Variants in TRAM2 observed in about 807,000 individuals in gnomAD.
TRAM2 encodes translocating chain-associated membrane protein 2.
A neutral mutation model predicts 51.0 loss-of-function variants in TRAM2; 12 were observed. The observed-to-expected ratio is 0.24, with a 90% CI of 0.15 to 0.38. TRAM2 has a LOEUF of 0.38. TRAM2 is among the 10% of genes least tolerant of loss of function. The pLI, the probability that TRAM2 is intolerant of heterozygous loss-of-function variation, is 1.00. For synonymous variants in TRAM2, 175 were observed against 179.4 expected (o/e 0.98, Z 0.20); for missense variants, 361 against 462.0 (o/e 0.78, Z 2.00).
At chr6:52,521,890 AATAAGTCCAGCACATCTCTGGCCT>A (rs1333044421) in intron 2 of TRAM2, among the ~76,000 whole-genome samples, 2 of 152,216 alleles carry the variant, frequency 1.3e-5, no homozygotes, top group African/African-American at 4.8e-5. Flanking sequence ...TTTTTAGAAG[AATAAGTCCAGCACATCTCTGGCCT>A]ATGAGGCCAG....
intron 1 of TRAM2, among the ~76,000 whole-genome samples, chr6:52,564,033 C>G (rs957962105): frequency 1.4e-4 from 22 of 152,022 alleles, no homozygotes; most frequent in African/African-American, 5.3e-4. Context: ...CCAAAAGAGA[C>G]AGCAGGGATA....
chr6:52,506,878 G>A (rs1407249616), intron 7 of TRAM2, among the ~76,000 whole-genome samples: 2 of 152,160 alleles, frequency 1.3e-5, no homozygotes, highest in African/African-American at 2.4e-5. Context: ...AACGCACCTC[G>A]GGATTTCCAG....
intron 1 of TRAM2, among the ~76,000 whole-genome samples, chr6:52,576,322 A>C (rs1387456708): frequency 6.6e-6 from 1 of 152,176 alleles, no homozygotes; most frequent in Admixed American, 6.5e-5. Context: ...CCAGAAAATC[A>C]CATAGGAAGT....
chr6:52,523,018 G>T, intron 2 of TRAM2: 1 of 664,022 alleles, frequency 1.5e-6, no homozygotes, highest in South Asian at 1.7e-5. Flanking sequence ...CTGCTTCTGA[G>T]AACTCATGTG....
chr6:52,535,688 A>G (rs1276204026), intron 2 of TRAM2, 95 bp downstream of exon 2: 6 of 1,023,702 alleles, frequency 5.9e-6, no homozygotes, highest in East Asian at 8.3e-5. Context: ...TCATGGGGGA[A>G]AAAAAAAAAA....
chr6:52,509,688 G>T, intron 4 of TRAM2, 102 bp from the exon 5 acceptor site: 1 of 950,228 alleles, frequency 1.1e-6, no homozygotes, highest in Non-Finnish European at 1.6e-6. Flanking sequence ...GTCCCCACCT[G>T]ACAGAAAGAG....
chr6:52,568,374 A>C (rs1287215351), intron 1 of TRAM2, among the ~76,000 whole-genome samples: 2 of 152,254 alleles, frequency 1.3e-5, no homozygotes, highest in Non-Finnish European at 2.9e-5. Context: ...TGTTGAGGTC[A>C]CAAGTTGATC....
At chr6:52,516,210 G>T in intron 3 of TRAM2, 88 bp from the exon 4 acceptor site, 1 of 1,232,960 alleles carries the variant, frequency 8.1e-7, no homozygotes. Context: ...CCCACAGAAG[G>T]GTTGAACATC....
In TRAM2 at chr6:52,516,669, T is replaced by C. The variant is rs142881233; in HGVS notation, c.253A>G (p.Thr85Ala). Reference sequence around the variant, plus strand: ...TGAACCACAGCATGCAAGATGATGGTGATGAAGATGTAGAACAAGATTGTG... The same window carrying C: ...TGAACCACAGCATGCAAGATGATGGCGATGAAGATGTAGAACAAGATTGTG... ...LVTILFYIFI[T>A]IILHAVVQEY... Residue 85 changes from threonine (T) to alanine (A), a missense_variant, in exon 3 of 11, where the codon ACC becomes GCC. Transcript: ENST00000182527. The C allele has an allele frequency of 4.6e-5, 74 of 1,614,092 alleles. No homozygotes were observed. In the African/African-American group the frequency reaches 9.5e-4, roughly 21 times the overall value.
intron 1 of TRAM2, among the ~76,000 whole-genome samples, chr6:52,575,744 C>G (rs1222932176): frequency 1.3e-5 from 2 of 152,190 alleles, no homozygotes; most frequent in Non-Finnish European, 2.9e-5. Flanking sequence ...AATAAGCAAG[C>G]TGACGCAGAA....
Position 52,539,774 on chromosome 6 carries a change from C to T in TRAM2, c.121-3928G>A, listed in dbSNP as rs561777145. Reference sequence around the variant, plus strand: ...ACACAGTGACTAAGCAGGAGAGAGTCGGTGCTGTGCTCAGCTATCTGACCC... The same window carrying T: ...ACACAGTGACTAAGCAGGAGAGAGTTGGTGCTGTGCTCAGCTATCTGACCC... On this transcript the variant is annotated intron_variant, in intron 1 of 10. Transcript: ENST00000182527. 3.3e-5 allele frequency among the ~76,000 whole-genome samples: 5 copies of T among 152,220 alleles called. No individual in the cohort carries two copies. The South Asian group carries it at 6.2e-4, about 19-fold the overall frequency.
chr6:52,535,098 C>T (rs567900135), intron 2 of TRAM2, among the ~76,000 whole-genome samples: 1 of 152,330 alleles, frequency 6.6e-6, no homozygotes, highest in East Asian at 1.9e-4. Context: ...TGCTTCCATG[C>T]ACTATCAAAA....
chr6:52,502,030 A>G lies in TRAM2; in HGVS notation c.*1167T>C, dbSNP rs1312582338. 1 of 152,234 alleles carries G rather than the reference A, an allele frequency of 6.6e-6. No homozygotes were observed. Among genetic ancestry groups the G allele is most frequent in the Non-Finnish European group, 1.5e-5 (1 of 68,044 alleles). 9.4% of individuals were successfully genotyped at this position (152,234 alleles called of 1,614,324 possible). A position where few individuals can be genotyped will look rare whatever the true frequency, so the allele number is the denominator to read the frequency against. ...AGTCAGTCATGGTTTCATGCAGTCT[A>G]AAATGCTGTAGTTGTGCTCAAAAAA... On this transcript the variant is annotated 3_prime_UTR_variant, in exon 11 of 11. Transcript: ENST00000182527.
In TRAM2 at chr6:52,522,855, T is replaced by A. The variant is rs574726779; in HGVS notation, c.185-6118A>T. Reference sequence around the variant, plus strand: ...GACCTCCTGCTCCGTTTCCTATGACTAATAGATATTTTCCTGTTTCCTTCT... The same window carrying A: ...GACCTCCTGCTCCGTTTCCTATGACAAATAGATATTTTCCTGTTTCCTTCT... On this transcript the variant is annotated intron_variant, in intron 2 of 10. Coordinates refer to ENST00000182527, the MANE Select transcript of TRAM2 (RefSeq NM_012288.4). The A allele has an allele frequency of 7.7e-5, 54 of 701,086 alleles. No individual in the cohort carries two copies. The African/African-American group carries it at 8.7e-4, about 11-fold the overall frequency. The allele number at this position is 701,086 out of a possible 1,614,324, so 43.4% of individuals were successfully genotyped here.
At chr6:52,576,527 A>C (rs1197199821) in intron 1 of TRAM2, among the ~76,000 whole-genome samples, 1 of 152,204 alleles carries the variant, frequency 6.6e-6, no homozygotes. Context: ...CTGGGGTTTC[A>C]GGGCTGCAGA....
rs1217039652 is a variant in TRAM2, at chr6:52,497,418, C to T, written c.*5779G>A. 1 of 152,484 alleles carries T rather than the reference C, an allele frequency of 6.6e-6. No individual in the cohort carries two copies. The highest frequency in any genetic ancestry group is 1.5e-5 in the Non-Finnish European group (1 of 68,022). 9.4% of individuals were successfully genotyped at this position (152,484 alleles called of 1,614,324 possible). A position where few individuals can be genotyped will look rare whatever the true frequency, so the allele number is the denominator to read the frequency against. On this transcript the variant is annotated 3_prime_UTR_variant, in exon 11 of 11. Coordinates refer to ENST00000182527, the MANE Select transcript of TRAM2 (RefSeq NM_012288.4). ...ATGAGACAATTCTGATAATTTTCTGCCTTTTATTGTTATTTCAGAAAATAT... is the reference window on the plus strand; with the variant it reads ...ATGAGACAATTCTGATAATTTTCTGTCTTTTATTGTTATTTCAGAAAATAT...
intron 2 of TRAM2, among the ~76,000 whole-genome samples, chr6:52,527,418 C>A (rs1475411143): frequency 6.6e-6 from 1 of 151,010 alleles, no homozygotes; most frequent in Admixed American, 6.6e-5. Context: ...AAAAAATTAT[C>A]CTACCTAGGT....
intron 2 of TRAM2, among the ~76,000 whole-genome samples, chr6:52,531,278 C>T (rs1379746548): frequency 6.6e-6 from 1 of 152,122 alleles, no homozygotes; most frequent in Non-Finnish European, 1.5e-5. Flanking sequence ...ACAAACCAAA[C>T]ATTACCATAT....
intron 4 of TRAM2, among the ~76,000 whole-genome samples, chr6:52,513,243 T>G (rs1283585590): frequency 1.3e-5 from 2 of 152,242 alleles, no homozygotes; most frequent in Admixed American, 1.3e-4. Flanking sequence ...AACTTCTCTA[T>G]ATTGTTCACT....
Sources: gnomAD v4.1 joint callset for allele counts (sites outside exome capture counted in the v4.1 genomes callset) on GRCh38, gnomAD v4.1.1 for gene constraint, MANE v1.5 for transcripts, NCBI Gene and HGNC (gene_info 2026-07-23, HGNC 2026-07-21) for gene names.